SLITRK1: variants seen among roughly 807,000 people sequenced by gnomAD.
SLITRK1 encodes the protein SLIT and NTRK-like protein 1.
In SLITRK1, 10 loss-of-function variants were observed where a neutral mutation model predicts 42.4. That is an observed-to-expected ratio of 0.24 (90% CI 0.15 to 0.40). The LOEUF (loss-of-function observed/expected upper bound fraction) is 0.40, where lower values mean the gene tolerates loss of function less well. Among genes scored for constraint, SLITRK1 ranks in the 10% least tolerant of loss-of-function variants. The probability of loss-of-function intolerance (pLI) is 1.00; values close to 1 mark genes in which losing one functional copy is unlikely to be tolerated. For missense variants in SLITRK1, 778 were observed against 848.8 expected (o/e 0.92, Z 1.04); for synonymous variants, 389 against 365.7 (o/e 1.06, Z -0.73).
In SLITRK1 at chr13:83,881,552, G is replaced by A. The variant is rs1363851353; in HGVS notation, c.-45C>T. ...TCCCCGATCTCATCACAAAGTAACA[G>A]CGACCATCCTGCTCGCCACAGACAC... On this transcript the variant is annotated 5_prime_UTR_variant, in exon 2 of 2. Coordinates refer to ENST00000674365, the MANE Select transcript of SLITRK1 (RefSeq NM_001281503.2). The A allele has an allele frequency of 6.4e-7, 1 of 1,571,588 alleles. No individual in the cohort carries two copies. The highest frequency in any genetic ancestry group is 8.7e-7 in the Non-Finnish European group (1 of 1,154,386).
In SLITRK1 at chr13:83,878,649, C is replaced by G. The variant is rs1357326287; in HGVS notation, c.*768G>C. 1 of 152,648 alleles carries G rather than the reference C, an allele frequency of 6.6e-6. No individual in the cohort carries two copies. Among genetic ancestry groups the G allele is most frequent in the African/African-American group, 2.4e-5 (1 of 41,454 alleles). The allele number at this position is 152,648 out of a possible 1,614,324, so 9.5% of individuals were successfully genotyped here. A position where few individuals can be genotyped will look rare whatever the true frequency, so the allele number is the denominator to read the frequency against. ...ATACATTGTTAACTCATAAAATGGA[C>G]TGATGACTAGCCATGCAAATGTCCT... On this transcript the variant is annotated 3_prime_UTR_variant, in exon 2 of 2. Transcript: ENST00000674365.
chr13:83,880,605 T>A lies in SLITRK1; in HGVS notation c.903A>T (p.Pro301=). The change falls in exon 2 of 2, where the codon CCA becomes CCT. Residue 301 remains proline, a synonymous_variant. Coordinates refer to ENST00000674365, the MANE Select transcript of SLITRK1 (RefSeq NM_001281503.2). The part of the protein sequence containing the change: ...KTNGQEDHAT[P]GSAPNGGTKI... ...TTGTACCTCCGTTTGGAGCAGACCC[T>A]GGTGTGGCATGATCCTCTTGCCCAT... is the stretch of plus-strand genomic sequence containing the variant. 1 of 1,614,142 alleles carries A rather than the reference T, an allele frequency of 6.2e-7. No individual in the cohort carries two copies. The highest frequency in any genetic ancestry group is 8.5e-7 in the Non-Finnish European group (1 of 1,180,034).
chr13:83,880,027 A>G lies in SLITRK1; in HGVS notation c.1481T>C (p.Val494Ala). 2 of 1,613,900 alleles carry G rather than the reference A, an allele frequency of 1.2e-6. No homozygotes were observed. Among genetic ancestry groups the G allele is most frequent in the Non-Finnish European group, 1.7e-6 (2 of 1,179,998 alleles). The stretch of plus-strand genomic sequence containing the variant: ...GTGCAGGCTGAGTTTAGAGAGCGAG[A>G]CCCCAGCGAACACGTCCACAGGCAG... ...RSLPVDVFAGVSLSKLSLHNN... is the reference protein window; with the variant it reads ...RSLPVDVFAGASLSKLSLHNN... The change falls in exon 2 of 2, where the codon GTC becomes GCC. Residue 494 changes from valine to alanine, a missense_variant. By Grantham distance (64) the Val-to-Ala change is moderately conservative. This residue lies in a region of SLITRK1 where 395 missense variants were observed against 360.4 expected (regional missense o/e 1.10). Transcript: ENST00000674365.
chr13:83,879,359 C>T lies in SLITRK1; in HGVS notation c.*58G>A. The T allele has an allele frequency of 6.2e-7, 1 of 1,602,880 alleles. No homozygotes were observed. The highest frequency in any genetic ancestry group is 1.3e-5 in the African/African-American group (1 of 74,906). On this transcript the variant is annotated 3_prime_UTR_variant, in exon 2 of 2. Coordinates refer to ENST00000674365, the MANE Select transcript of SLITRK1 (RefSeq NM_001281503.2). ...CACGCCCCTCCAGCCCCCGGGGTGC[C>T]TGCGGTGGGGAAGGATGTATCGCCT...
In SLITRK1 at chr13:83,879,425, A is replaced by G; in HGVS notation, c.2083T>C (p.Ser695Pro). The G allele has an allele frequency of 6.2e-7, 1 of 1,613,106 alleles. No individual in the cohort carries two copies. Among genetic ancestry groups the G allele is most frequent in the Non-Finnish European group, 8.5e-7 (1 of 1,180,006 alleles). The change falls in exon 2 of 2, where the codon TCA (serine) becomes CCA (proline). Residue 695 changes from serine to proline, a missense_variant. Physicochemically the swap from Ser to Pro is moderately conservative, Grantham distance 74. Around this residue, in one of 4 missense-constraint regions of SLITRK1, gnomAD observed 164 missense variants for 158.2 expected, o/e 1.04. Transcript: ENST00000674365. ...RVYDCGSHSL[S>P]D ...CTATTGGGGTTGGGGTCTTAGTCTG[A>G]GAGCGAGTGAGAGCCACAGTCATAC... is the stretch of plus-strand genomic sequence containing the variant.
chr13:83,880,411 C>T lies in SLITRK1; in HGVS notation c.1097G>A (p.Ser366Asn). The T allele has an allele frequency of 1.2e-6, 2 of 1,613,958 alleles. No homozygotes were observed. Among genetic ancestry groups the T allele is most frequent in the Non-Finnish European group, 1.7e-6 (2 of 1,180,026 alleles). ...KMNCNNRNVS[S>N]LADLKPKLSN... ...GAGCTTGGGCTTCAAATCAGCCAAG[C>T]TGCTCACGTTCCTGTTGTTGCAGTT... Residue 366 changes from serine to asparagine, a missense_variant, in exon 2 of 2, where the codon AGC becomes AAC. By Grantham distance (46) the Ser-to-Asn change is conservative (BLOSUM62 1). Transcript: ENST00000674365.
At position 83,880,427 on chromosome 13, in the gene SLITRK1, T is replaced by C. The variant is rs1173268653; in HGVS notation, c.1081A>G (p.Asn361Asp). The C allele has an allele frequency of 1.2e-6, 2 of 1,613,944 alleles. No individual in the cohort carries two copies. The highest frequency in any genetic ancestry group is 3.3e-5 in the Admixed American group (2 of 60,002). The change falls in exon 2 of 2, where the codon AAC (asparagine) becomes GAC (aspartate). Residue 361 changes from asparagine (N) to aspartate (D), a missense_variant. Physicochemically the swap from Asn to Asp is conservative, Grantham distance 23. Transcript: ENST00000674365. ...PGSGLKMNCNNRNVSSLADLK... is the reference protein window; with the variant it reads ...PGSGLKMNCNDRNVSSLADLK... ...TCAGCCAAGCTGCTCACGTTCCTGT[T>C]GTTGCAGTTCATCTTTAAACCCGAC...
At position 83,881,037 on chromosome 13, in the gene SLITRK1, C is replaced by T. The variant is rs1163046433; in HGVS notation, c.471G>A (p.Glu157=). The T allele has an allele frequency of 3.1e-6, 5 of 1,614,078 alleles. No homozygotes were observed. The highest frequency in any genetic ancestry group is 4.5e-5 in the East Asian group (2 of 44,862). The change falls in exon 2 of 2, where the codon GAG becomes GAA. Residue 157 remains glutamate, a synonymous_variant. Transcript: ENST00000674365. ...TGAGATTGTCATTTAAAATGAGCACCTCCAGCTTGTTCAAGTCCTGGAAGG... is the reference window on the plus strand; with the variant it reads ...TGAGATTGTCATTTAAAATGAGCACTTCCAGCTTGTTCAAGTCCTGGAAGG... ...PGAFQDLNKL[E]VLILNDNLIS... is the part of the protein sequence containing the mutation.
In SLITRK1 at chr13:83,882,442, C is replaced by A. The variant is rs1027998664; in HGVS notation, c.-492G>T. The A allele has an allele frequency of 2.0e-5, 3 of 151,952 alleles. No individual in the cohort carries two copies. Among genetic ancestry groups the A allele is most frequent in the African/African-American group, 7.3e-5 (3 of 41,306 alleles). The allele number at this position is 151,952 out of a possible 1,614,324, so 9.4% of individuals were successfully genotyped here. ...AAGAGAGTTGCTAAGAAGCTCTGCT[C>A]GTTCCAGCCTGGTGCACTCTGAAAG... On this transcript the variant is annotated 5_prime_UTR_variant, in exon 1 of 2. Transcript: ENST00000674365.
chr13:83,880,164 G>C lies in SLITRK1; in HGVS notation c.1344C>G (p.Asn448Lys). 1 of 1,614,002 alleles carries C rather than the reference G, an allele frequency of 6.2e-7. No individual in the cohort carries two copies. Among genetic ancestry groups the C allele is most frequent in the Non-Finnish European group, 8.5e-7 (1 of 1,180,004 alleles). The change falls in exon 2 of 2, where the codon AAC (asparagine) becomes AAG (lysine). Residue 448 changes from asparagine (N) to lysine (K), a missense_variant. By Grantham distance (94) the Asn-to-Lys change is moderately conservative. Coordinates refer to ENST00000674365, the MANE Select transcript of SLITRK1 (RefSeq NM_001281503.2). Reference protein sequence around the residue: ...LSREKFAGLQNLEYLNVEYNA... With the variant: ...LSREKFAGLQKLEYLNVEYNA... ...TGTACTCCACGTTCAGGTACTCTAG[G>C]TTTTGCAGCCCCGCGAATTTCTCCC... is the stretch of plus-strand genomic sequence containing the variant.
chr13:83,879,957 C>G lies in SLITRK1; in HGVS notation c.1551G>C (p.Gln517His), dbSNP rs769217224. Residue 517 changes from glutamine (Q) to histidine (H), a missense_variant, in exon 2 of 2, where the codon CAG becomes CAC. Physicochemically the swap from Gln to His is conservative, Grantham distance 24. This residue lies in a region of SLITRK1 where 395 missense variants were observed against 360.4 expected (regional missense o/e 1.10). Coordinates refer to ENST00000674365, the MANE Select transcript of SLITRK1 (RefSeq NM_001281503.2). ...GGTCTATCTGGATGATGGAGGTTAACTGGTCCAGCACCCCTGCCACCGGGA... is the reference window on the plus strand; with the variant it reads ...GGTCTATCTGGATGATGGAGGTTAAGTGGTCCAGCACCCCTGCCACCGGGA... ...MYLPVAGVLD[Q>H]LTSIIQIDLH... 26 of 1,613,968 alleles carry G rather than the reference C, an allele frequency of 1.6e-5. No individual in the cohort carries two copies. The highest frequency in any genetic ancestry group is 2.0e-5 in the Non-Finnish European group (24 of 1,180,036).
rs144800086 is a variant in SLITRK1 at position 83,878,656 on chromosome 13, C to T, written c.*761G>A. The T allele has an allele frequency of 9.2e-4, 141 of 152,774 alleles. No individual in the cohort carries two copies. In the East Asian group the frequency reaches 0.012, roughly 13 times the overall value. 9.5% of individuals were successfully genotyped at this position (152,774 alleles called of 1,614,324 possible). On this transcript the variant is annotated 3_prime_UTR_variant, in exon 2 of 2. Coordinates refer to ENST00000674365, the MANE Select transcript of SLITRK1 (RefSeq NM_001281503.2). Reference sequence around the variant, plus strand: ...GTTAACTCATAAAATGGACTGATGACTAGCCATGCAAATGTCCTAAATAAA... The same window carrying T: ...GTTAACTCATAAAATGGACTGATGATTAGCCATGCAAATGTCCTAAATAAA...
chr13:83,880,440 C>A lies in SLITRK1; in HGVS notation c.1068G>T (p.Lys356Asn). ...SCDHIPGSGL[K>N]MNCNNRNVSS... ...TCACGTTCCTGTTGTTGCAGTTCAT[C>A]TTTAAACCCGACCCTGGGATGTGGT... Residue 356 changes from lysine (K) to asparagine (N), a missense_variant, in exon 2 of 2, where the codon AAG becomes AAT. Transcript: ENST00000674365. 1 of 1,614,028 alleles carries A rather than the reference C, an allele frequency of 6.2e-7. No individual in the cohort carries two copies. Among genetic ancestry groups the A allele is most frequent in the Non-Finnish European group, 8.5e-7 (1 of 1,180,022 alleles).
At position 83,881,077 on chromosome 13, in the gene SLITRK1, T is replaced by C; in HGVS notation, c.431A>G (p.Asp144Gly). 6.2e-7 allele frequency: 1 copy of C among 1,614,024 alleles called. No individual in the cohort carries two copies. The highest frequency in any genetic ancestry group is 8.5e-7 in the Non-Finnish European group (1 of 1,180,014). ...YLQADFNLLR[D>G]IDPGAFQDLN... The stretch of plus-strand genomic sequence containing the variant: ...GTCCTGGAAGGCCCCCGGGTCTATA[T>C]CTCGTAATAAATTAAAATCAGCCTG... Residue 144 changes from aspartate to glycine, a missense_variant, in exon 2 of 2, where the codon GAT (aspartate) becomes GGT (glycine). Asp to Gly is a moderately conservative substitution (Grantham distance 94). This residue lies in a region of SLITRK1 where 204 missense variants were observed against 295.3 expected (regional missense o/e 0.69). Transcript: ENST00000674365.
rs770199298 is a variant in SLITRK1, at chr13:83,880,663, G to A, written c.845C>T (p.Ala282Val). The A allele has an allele frequency of 6.2e-7, 1 of 1,614,144 alleles. No homozygotes were observed. The highest frequency in any genetic ancestry group is 8.5e-7 in the Non-Finnish European group (1 of 1,180,024). Residue 282 changes from alanine to valine, a missense_variant, in exon 2 of 2, where the codon GCT becomes GTT. Physicochemically the swap from Ala to Val is moderately conservative, Grantham distance 64. This residue lies in a region of SLITRK1 where 395 missense variants were observed against 360.4 expected (regional missense o/e 1.10). Coordinates refer to ENST00000674365, the MANE Select transcript of SLITRK1 (RefSeq NM_001281503.2). ...PAPPAQEETF[A>V]PGPLPTPFKT... ...GAAAGGAGTTGGCAGGGGTCCAGGAGCAAAGGTCTCTTCTTGGGCAGGGGG... is the reference window on the plus strand; with the variant it reads ...GAAAGGAGTTGGCAGGGGTCCAGGAACAAAGGTCTCTTCTTGGGCAGGGGG...
In SLITRK1 at chr13:83,881,172, G is replaced by A. The variant is rs753872904; in HGVS notation, c.336C>T (p.His112=). ...AAGACTTGATCTTGTTGTTGTTGAT[G>A]TGCAGCCTTTTCACCAGCTGCAGCC... The part of the protein sequence containing the change: ...FLGLQLVKRL[H]INNNKIKSFR... Residue 112 remains histidine (H), a synonymous_variant, in exon 2 of 2, where the codon CAC becomes CAT. Transcript: ENST00000674365. 4.3e-6 allele frequency: 7 copies of A among 1,613,996 alleles called. No individual in the cohort carries two copies. The East Asian group carries it at 6.7e-5, about 15-fold the overall frequency.
At position 83,879,565 on chromosome 13, in the gene SLITRK1, C is replaced by G. The variant is rs377156560; in HGVS notation, c.1943G>C (p.Arg648Pro). The change falls in exon 2 of 2, where the codon CGG (arginine) becomes CCG (proline). Residue 648 changes from arginine to proline, a missense_variant. By Grantham distance (103) the Arg-to-Pro change is moderately radical. This residue lies in a region of SLITRK1 where 164 missense variants were observed against 158.2 expected (regional missense o/e 1.04). Transcript: ENST00000674365. The part of the protein sequence containing the change: ...MLVFILRNRK[R>P]SKRRDANSSA... Reference sequence around the variant, plus strand: ...GGAGTTGGCATCTCGTCTCTTGGACCGCTTTCGGTTCCTCAGGATAAACAC... The same window carrying G: ...GGAGTTGGCATCTCGTCTCTTGGACGGCTTTCGGTTCCTCAGGATAAACAC... The G allele has an allele frequency of 3.1e-6, 5 of 1,614,048 alleles. No individual in the cohort carries two copies. The highest frequency in any genetic ancestry group is 4.2e-6 in the Non-Finnish European group (5 of 1,180,024).
rs553796262 is a variant in SLITRK1 at position 83,880,767 on chromosome 13, C to T, written c.741G>A (p.Leu247=). 3 of 1,614,152 alleles carry T rather than the reference C, an allele frequency of 1.9e-6. No homozygotes were observed. The South Asian group carries it at 3.3e-5, about 18-fold the overall frequency. The change falls in exon 2 of 2, where the codon CTG becomes CTA. Residue 247 remains leucine (L), a synonymous_variant. Coordinates refer to ENST00000674365, the MANE Select transcript of SLITRK1 (RefSeq NM_001281503.2). ...GRVVCEAPTR[L]QGKDLNETTE... ...TGGTTTCATTGAGGTCTTTACCCTG[C>T]AGTCTGGTGGGGGCTTCGCAGACCA... is the stretch of plus-strand genomic sequence containing the variant.
In SLITRK1 at chr13:83,880,973, T is replaced by C; in HGVS notation, c.535A>G (p.Ile179Val). Reference sequence around the variant, plus strand: ...TTACCCCGGAGGTCGAGGTGGGTGATGGGCACATACTGGAACACGTTGGCA... The same window carrying C: ...TTACCCCGGAGGTCGAGGTGGGTGACGGGCACATACTGGAACACGTTGGCA... Reference protein sequence around the residue: ...LPANVFQYVPITHLDLRGNRL... With the variant: ...LPANVFQYVPVTHLDLRGNRL... The change falls in exon 2 of 2, where the codon ATC becomes GTC. Residue 179 changes from isoleucine to valine, a missense_variant. By Grantham distance (29) the Ile-to-Val change is conservative. Around this residue, in one of 4 missense-constraint regions of SLITRK1, gnomAD observed 204 missense variants for 295.3 expected, o/e 0.69. Transcript: ENST00000674365. 1 of 1,614,062 alleles carries C rather than the reference T, an allele frequency of 6.2e-7. No homozygotes were observed.
Sources: gnomAD v4.1 joint callset for allele counts on GRCh38, gnomAD v4.1.1 for gene constraint, gnomAD v4.1.1 regional missense constraint, MANE v1.5 for transcripts, NCBI Gene and HGNC (gene_info 2026-07-23, HGNC 2026-07-21) for gene names.